RELN: variants seen among roughly 807,000 people sequenced by gnomAD.
The protein encoded by RELN is reelin.
In RELN, 108 loss-of-function variants were observed where a neutral mutation model predicts 427.6. That is an observed-to-expected ratio of 0.25 (90% CI 0.22 to 0.30). The LOEUF is 0.30. RELN is among the 10% of genes least tolerant of loss of function. RELN has a pLI of 1.00. For synonymous variants in RELN, 1,524 were observed against 1,513.4 expected (o/e 1.01, Z -0.16); for missense variants, 3,715 against 4,302.8 (o/e 0.86, Z 3.82).
intron 2 of RELN, among the ~76,000 whole-genome samples, chr7:103,907,413 T>A (rs1563083045): frequency 1.5e-4 from 3 of 20,556 alleles, no homozygotes; most frequent in East Asian, 1.0e-3. Flanking sequence ...ATCAAGGCTC[T>A]GGAAAAAAAA....
At chr7:103,913,350 C>T (rs1795410977) in intron 2 of RELN, among the ~76,000 whole-genome samples, 1 of 152,158 alleles carries the variant, frequency 6.6e-6, no homozygotes, top group South Asian at 2.1e-4. Context: ...ATGCTTTACT[C>T]TGCCTTATTT....
chr7:103,745,586 A>T (rs969956937), intron 6 of RELN, among the ~76,000 whole-genome samples: 1 of 151,584 alleles, frequency 6.6e-6, no homozygotes, highest in Non-Finnish European at 1.5e-5. Flanking sequence ...TACAAAATCA[A>T]TGTGCAAAAA....
intron 3 of RELN, among the ~76,000 whole-genome samples, chr7:103,826,833 A>G (rs1441136704): frequency 6.6e-6 from 1 of 152,090 alleles, no homozygotes; most frequent in African/African-American, 2.4e-5. Context: ...TGTGGTTTCA[A>G]GTAAGAAGTG....
At position 103,540,520 on chromosome 7, in the gene RELN, A is replaced by G. The variant is rs144653883; in HGVS notation, c.6672-65T>C. 8.5e-5 allele frequency: 127 copies of G among 1,496,494 alleles called. 1 individual carries two copies. In the African/African-American group the frequency reaches 1.6e-3, roughly 19 times the overall value. 92.7% of individuals were successfully genotyped at this position (1,496,494 alleles called of 1,614,324 possible). A position where few individuals can be genotyped will look rare whatever the true frequency, so the allele number is the denominator to read the frequency against. The stretch of plus-strand genomic sequence containing the variant: ...AAGAAATCCACATGCTTAACAACAG[A>G]CAAGCACATGGGGTAATGCAGGGGA... On this transcript the variant is annotated intron_variant, in intron 43 of 64. Transcript: ENST00000428762.
chr7:103,903,282 T>G (rs1795121971), intron 2 of RELN, among the ~76,000 whole-genome samples: 1 of 151,942 alleles, frequency 6.6e-6, no homozygotes. Context: ...GTGTTTTTTT[T>G]TTTTTCCTCA....
intron 1 of RELN, among the ~76,000 whole-genome samples, chr7:103,956,071 T>G (rs1276778192): frequency 6.6e-6 from 1 of 152,182 alleles, no homozygotes; most frequent in African/African-American, 2.4e-5. Flanking sequence ...TCTGTCGTAT[T>G]TTACCCAGCA....
Position 103,572,266 on chromosome 7 carries a change from G to A in RELN, c.4512-6C>T. 1.3e-6 allele frequency: 2 copies of A among 1,508,438 alleles called. No homozygotes were observed. The highest frequency in any genetic ancestry group is 1.4e-5 in the African/African-American group (1 of 72,896). 93.4% of individuals were successfully genotyped at this position (1,508,438 alleles called of 1,614,324 possible). On this transcript the variant is annotated splice_region_variant and splice_polypyrimidine_tract_variant and intron_variant, in intron 30 of 64. Transcript: ENST00000428762. ...GTATATAAAATTGAACAAGTCTGGGGAATAAAAACTTTAGTTTACTTACAA... is the reference window on the plus strand; with the variant it reads ...GTATATAAAATTGAACAAGTCTGGGAAATAAAAACTTTAGTTTACTTACAA...
chr7:103,484,700 T>TTAGAG (rs1179661199), intron 61 of RELN, among the ~76,000 whole-genome samples: 1 of 152,054 alleles, frequency 6.6e-6, no homozygotes, highest in Non-Finnish European at 1.5e-5. Flanking sequence ...GGAAATCTTG[T>TTAGAG]TAGAGTATTT....
intron 31 of RELN, among the ~76,000 whole-genome samples, chr7:103,571,266 T>C (rs1309513813): frequency 6.6e-6 from 1 of 152,180 alleles, no homozygotes; most frequent in African/African-American, 2.4e-5. Context: ...GACCACGGTT[T>C]GGAGGAGGAT....
At chr7:103,901,176 G>C (rs1422611715) in intron 2 of RELN, among the ~76,000 whole-genome samples, 2 of 151,974 alleles carry the variant, frequency 1.3e-5, no homozygotes, top group Admixed American at 6.6e-5. Flanking sequence ...TTAATCATTA[G>C]GGAATTGAAA....
At chr7:103,951,966 C>T (rs1427386105) in intron 1 of RELN, among the ~76,000 whole-genome samples, 6 of 152,242 alleles carry the variant, frequency 3.9e-5, no homozygotes, top group Non-Finnish European at 7.3e-5. Flanking sequence ...AGCCACTGTG[C>T]CCGGCCCTCT....
At chr7:103,597,405 C>T (rs1223619667) in intron 24 of RELN, among the ~76,000 whole-genome samples, 1 of 152,140 alleles carries the variant, frequency 6.6e-6, no homozygotes, top group Non-Finnish European at 1.5e-5. Context: ...GAGTTTGAGA[C>T]CAGCCTGGCC....
chr7:103,920,575 TTTTG>T (rs1563092104), intron 1 of RELN, among the ~76,000 whole-genome samples: 5 of 112,692 alleles, frequency 4.4e-5, no homozygotes, highest in African/African-American at 2.2e-4. Flanking sequence ...TGGTTTTTTT[TTTTG>T]TTTTTTTTTT....
chr7:103,911,113 G>C (rs1319801003), intron 2 of RELN, among the ~76,000 whole-genome samples: 1 of 144,704 alleles, frequency 6.9e-6, no homozygotes, highest in East Asian at 2.1e-4. Context: ...ATCTGACAAA[G>C]GGCTAGTATC....
In RELN at chr7:103,737,103, A is replaced by G. The variant is rs188109655; in HGVS notation, c.657-8896T>C. Among the ~76,000 whole-genome samples the G allele has an allele frequency of 6.4e-4, 92 of 142,706 alleles. 2 individuals carry two copies. The highest frequency in any genetic ancestry group is 2.6e-3 in the African/African-American group (91 of 34,608). 93.6% of individuals were successfully genotyped at this position (142,706 alleles called of 152,430 possible). A position where few individuals can be genotyped will look rare whatever the true frequency, so the allele number is the denominator to read the frequency against. Reference sequence around the variant, plus strand: ...TCAAAATAGTGAACCATTAAACTCCAAATATTAAATGATAATTCCATAACC... The same window carrying G: ...TCAAAATAGTGAACCATTAAACTCCGAATATTAAATGATAATTCCATAACC... On this transcript the variant is annotated intron_variant, in intron 6 of 64. Coordinates refer to ENST00000428762, the MANE Select transcript of RELN (RefSeq NM_005045.4).
intron 8 of RELN, among the ~76,000 whole-genome samples, chr7:103,718,652 C>T (rs1790001737): frequency 6.6e-6 from 1 of 152,078 alleles, no homozygotes; most frequent in Admixed American, 6.6e-5. Context: ...CACTTGGTAA[C>T]ATACTATTAT....
intron 1 of RELN, among the ~76,000 whole-genome samples, chr7:103,975,772 T>A (rs2116830327): frequency 6.7e-6 from 1 of 150,156 alleles, no homozygotes; most frequent in Admixed American, 6.7e-5. Context: ...GGTCTCGATC[T>A]CCTGACCTCA....
intron 64 of RELN, among the ~76,000 whole-genome samples, chr7:103,474,806 G>GGAA (rs1554358923): frequency 1.5e-5 from 2 of 135,654 alleles, no homozygotes; most frequent in African/African-American, 5.3e-5. Flanking sequence ...TTCCTTTTAT[G>GGAA]AAAAAAAAAA....
rs35718045 is a variant in RELN, at chr7:103,503,301, C to CA, written c.8275-72dup. On this transcript the variant is annotated intron_variant, in intron 51 of 64. Transcript: ENST00000428762. ...TGATTCTTCTCCAAGGACTTGGCAG[C>CA]AAAAAAGCTGCTGATCACTTGATAT... The CA allele has an allele frequency of 6.6e-6, 9 of 1,353,960 alleles. No individual in the cohort carries two copies. In the South Asian group the frequency reaches 7.1e-5, roughly 11 times the overall value. 83.9% of individuals were successfully genotyped at this position (1,353,960 alleles called of 1,614,324 possible). A position where few individuals can be genotyped will look rare whatever the true frequency, so the allele number is the denominator to read the frequency against.
Sources: allele counts gnomAD v4.1 joint callset (sites outside exome capture counted in the v4.1 genomes callset), GRCh38; gene constraint gnomAD v4.1.1; transcripts MANE v1.5; gene names NCBI Gene and HGNC (gene_info 2026-07-23, HGNC 2026-07-21).